The following MECOM variants were observed in gnomAD, a reference collection of about 807,000 sequenced individuals.
MECOM encodes histone-lysine N-methyltransferase MECOM.
A neutral mutation model predicts 116.3 loss-of-function variants in MECOM; 13 were observed. The ratio of observed to expected loss-of-function variants is 0.11; its 90% CI spans 0.07 to 0.18. The LOEUF (loss-of-function observed/expected upper bound fraction) is 0.18. MECOM is among the 10% of genes least tolerant of loss of function. The pLI, the probability that MECOM is intolerant of heterozygous loss-of-function variation, is 1.00. For synonymous variants in MECOM, 528 were observed against 535.2 expected (o/e 0.99, Z 0.19); for missense variants, 1,299 against 1,509.0 (o/e 0.86, Z 2.31).
intron 1 of MECOM, among the ~76,000 whole-genome samples, chr3:169,421,812 A>G (rs1739799357): frequency 1.3e-5 from 2 of 152,126 alleles, no homozygotes; most frequent in South Asian, 4.1e-4. Context: ...CAACTTCCCC[A>G]GAAGGTAAGA....
chr3:169,155,077 C>T (rs146859546), intron 2 of MECOM, among the ~76,000 whole-genome samples: 51 of 152,286 alleles, frequency 3.3e-4, no homozygotes, highest in Non-Finnish European at 4.6e-4. Context: ...TCAATAACAG[C>T]TTTCCATCAT....
intron 16 of MECOM, among the ~76,000 whole-genome samples, chr3:169,087,975 T>C (rs1374870025): frequency 2.0e-5 from 3 of 152,216 alleles, no homozygotes. Context: ...ATCTCAGAAC[T>C]TTTTACTAAA....
chr3:169,630,317 C>T (rs111525720), intron 1 of MECOM, among the ~76,000 whole-genome samples: 164 of 152,210 alleles, frequency 1.1e-3, no homozygotes, highest in African/African-American at 3.8e-3. Context: ...CAGTGAGTGG[C>T]TACCTCAGAA....
chr3:169,189,157 CATT>C (rs1747179577), intron 2 of MECOM, among the ~76,000 whole-genome samples: 1 of 152,002 alleles, frequency 6.6e-6, no homozygotes, highest in South Asian at 2.1e-4. Flanking sequence ...CCTTATAGAT[CATT>C]AAGACCTATG....
chr3:169,187,525 T>C (rs914926673), intron 2 of MECOM, among the ~76,000 whole-genome samples: 1 of 152,082 alleles, frequency 6.6e-6, no homozygotes, highest in Non-Finnish European at 1.5e-5. Flanking sequence ...TGTGGCAATA[T>C]AGTTTCTGAA....
intron 2 of MECOM, among the ~76,000 whole-genome samples, chr3:169,207,045 A>G (rs1242313094): frequency 6.6e-6 from 1 of 152,240 alleles, no homozygotes; most frequent in African/African-American, 2.4e-5. Flanking sequence ...GAACAAAAAT[A>G]TCTTGAGGCA....
chr3:169,167,648 GTCT>G (rs1743795096), intron 2 of MECOM, among the ~76,000 whole-genome samples: 1 of 152,126 alleles, frequency 6.6e-6, no homozygotes, highest in South Asian at 2.1e-4. Flanking sequence ...AAAAGTCAAT[GTCT>G]TCTTGGATAA....
intron 16 of MECOM, 148 bp downstream of exon 16, chr3:169,088,852 A>G: frequency 1.6e-6 from 1 of 626,392 alleles, no homozygotes; most frequent in African/African-American, 1.9e-5. Context: ...TAAATACAGT[A>G]AAGATATGAA....
intron 1 of MECOM, among the ~76,000 whole-genome samples, chr3:169,480,214 T>C (rs1331643815): frequency 6.6e-6 from 1 of 152,230 alleles, no homozygotes; most frequent in Non-Finnish European, 1.5e-5. Flanking sequence ...TTTATTTAAT[T>C]GAAAGAGCTT....
At chr3:169,236,028 C>T (rs1754022457) in intron 2 of MECOM, among the ~76,000 whole-genome samples, 1 of 152,042 alleles carries the variant, frequency 6.6e-6, no homozygotes, top group Non-Finnish European at 1.5e-5. Flanking sequence ...TGGTACAGGG[C>T]AGCACCAGCC....
chr3:169,615,737 C>A (rs992938111), intron 1 of MECOM, among the ~76,000 whole-genome samples: 6 of 152,168 alleles, frequency 3.9e-5, no homozygotes, highest in South Asian at 2.1e-4. Context: ...GTTTTGATTT[C>A]AATTGCAACT....
intron 2 of MECOM, chr3:169,147,190 T>C (rs754848492): frequency 1.0e-6 from 1 of 985,510 alleles, no homozygotes; most frequent in Non-Finnish European, 1.2e-6. Flanking sequence ...AAACTTCTAC[T>C]TCTCCTTCCC....
In MECOM at chr3:169,211,627, T is replaced by G. The variant is rs1022521931; in HGVS notation, c.376-67795A>C. The stretch of plus-strand genomic sequence containing the variant: ...TTTCACAGACAGTTTCTACTCCATC[T>G]CCTTTACTAGTTCTTTCTCTCAGGG... On this transcript the variant is annotated intron_variant, in intron 2 of 16. Transcript: ENST00000651503. Among the ~76,000 whole-genome samples the G allele has an allele frequency of 2.0e-5, 3 of 152,308 alleles. No individual in the cohort carries two copies. In the South Asian group the frequency reaches 6.2e-4, roughly 32 times the overall value.
chr3:169,303,574 G>T (rs1020558052), intron 2 of MECOM, among the ~76,000 whole-genome samples: 2 of 152,180 alleles, frequency 1.3e-5, no homozygotes, highest in African/African-American at 4.8e-5. Flanking sequence ...AAACCACACA[G>T]TCCACTTAAG....
chr3:169,292,177 T>C (rs1473428480), intron 2 of MECOM, among the ~76,000 whole-genome samples: 1 of 152,014 alleles, frequency 6.6e-6, no homozygotes, highest in African/African-American at 2.4e-5. Flanking sequence ...ACCCTGTCTC[T>C]ACTAAAAATT....
chr3:169,364,110 A>G (rs1341298584), intron 2 of MECOM, among the ~76,000 whole-genome samples: 5 of 151,962 alleles, frequency 3.3e-5, no homozygotes, highest in South Asian at 4.1e-4. Context: ...GCCTGTACTC[A>G]GCAACTTTTG....
chr3:169,353,567 A>G (rs567793520), intron 2 of MECOM, among the ~76,000 whole-genome samples: 1 of 151,992 alleles, frequency 6.6e-6, no homozygotes, highest in Non-Finnish European at 1.5e-5. Flanking sequence ...GTAAATAGCT[A>G]AGTAAAATTC....
intron 1 of MECOM, among the ~76,000 whole-genome samples, chr3:169,574,905 T>C (rs1157371477): frequency 6.6e-6 from 1 of 151,920 alleles, no homozygotes; most frequent in East Asian, 1.9e-4. Context: ...GTGAAGCCAC[T>C]GGAAAGACAT....
chr3:169,227,862 A>T (rs2149513925), intron 2 of MECOM, among the ~76,000 whole-genome samples: 1 of 152,294 alleles, frequency 6.6e-6, no homozygotes, highest in East Asian at 1.9e-4. Flanking sequence ...CAAACTTGGG[A>T]TTTTGTTGCT....
Sources: gnomAD v4.1 joint callset for allele counts (sites outside exome capture counted in the v4.1 genomes callset) on GRCh38, gnomAD v4.1.1 for gene constraint, MANE v1.5 for transcripts, NCBI Gene and HGNC (gene_info 2026-07-23, HGNC 2026-07-21) for gene names.